The following ACTN4 variants were observed in gnomAD, a reference collection of about 807,000 sequenced individuals.
ACTN4 encodes the protein alpha-actinin-4.
In ACTN4, 18 loss-of-function variants were observed where a neutral mutation model predicts 114.2. The ratio of observed to expected loss-of-function variants is 0.16; its 90% confidence interval spans 0.11 to 0.23. The LOEUF is 0.23. Ranked by LOEUF, ACTN4 falls within the 10% of genes least tolerant of loss-of-function variation. The pLI is 1.00. For missense variants in ACTN4, 722 were observed against 1,262.9 expected (o/e 0.57, Z 6.49); for synonymous variants, 515 against 506.3 (o/e 1.02, Z -0.23).
chr19:38,699,447 C>G (rs1229301021), intron 1 of ACTN4, among the ~76,000 whole-genome samples: 2 of 152,198 alleles, frequency 1.3e-5, no homozygotes, highest in Admixed American at 1.3e-4. Context: ...CTAAGCTGCA[C>G]TGAGTCTTAA....
At chr19:38,661,974 G>A (rs987220177) in intron 1 of ACTN4, among the ~76,000 whole-genome samples, 1 of 152,146 alleles carries the variant, frequency 6.6e-6, no homozygotes, top group African/African-American at 2.4e-5. Flanking sequence ...TTTTAAACTG[G>A]CTTTTCTCCT....
chr19:38,726,643 T>G (rs905133947), intron 17 of ACTN4, among the ~76,000 whole-genome samples: 13 of 152,354 alleles, frequency 8.5e-5, no homozygotes, highest in African/African-American at 3.1e-4. Flanking sequence ...TTGGCTTTTT[T>G]GTTTTTTTCC....
intron 1 of ACTN4, among the ~76,000 whole-genome samples, chr19:38,661,364 G>A (rs12462503): frequency 5.3e-5 from 8 of 152,048 alleles, no homozygotes; most frequent in African/African-American, 1.2e-4. Flanking sequence ...CAGTCGGCAC[G>A]TGTATTTGAT....
chr19:38,689,056 A>T (rs77732428), intron 1 of ACTN4, among the ~76,000 whole-genome samples: 1 of 152,234 alleles, frequency 6.6e-6, no homozygotes, highest in Non-Finnish European at 1.5e-5. Flanking sequence ...AAGAGGTATC[A>T]TATGACTCAG....
intron 1 of ACTN4, 102 bp downstream of exon 1, chr19:38,648,009 C>T: frequency 2.3e-6 from 3 of 1,286,214 alleles, no homozygotes; most frequent in Non-Finnish European, 3.0e-6. Flanking sequence ...GTGATGGGAA[C>T]GGGGGGGTCC....
At chr19:38,728,441 C>T in intron 19 of ACTN4, 2 of 1,095,046 alleles carry the variant, frequency 1.8e-6, no homozygotes, top group South Asian at 2.8e-5. Context: ...CCTCCTCCTC[C>T]TCCTCCTCCC....
intron 13 of ACTN4, 92 bp downstream of exon 13, chr19:38,723,814 C>A: frequency 4.1e-6 from 6 of 1,458,196 alleles, no homozygotes; most frequent in South Asian, 1.2e-5. Flanking sequence ...TGAGCTCCCC[C>A]CACCTCCCAC....
intron 11 of ACTN4, among the ~76,000 whole-genome samples, chr19:38,719,418 G>T (rs1214863114): frequency 6.6e-6 from 1 of 152,222 alleles, no homozygotes; most frequent in East Asian, 1.9e-4. Flanking sequence ...CCCAGCTTGT[G>T]CCCTCCTCAC....
intron 1 of ACTN4, among the ~76,000 whole-genome samples, chr19:38,675,841 C>T (rs1427673700): frequency 6.6e-6 from 1 of 152,148 alleles, no homozygotes; most frequent in African/African-American, 2.4e-5. Flanking sequence ...CCAGGCCAAG[C>T]AGAGGGCCCC....
rs1385018827 is a variant in ACTN4, at chr19:38,731,434, A to G, written c.*2002A>G. Reference sequence around the variant, plus strand: ...AACGGACTAAGACAGCCCCGACCCCATAGGGTGTGTGAAGACAGAACGCTC... The same window carrying G: ...AACGGACTAAGACAGCCCCGACCCCGTAGGGTGTGTGAAGACAGAACGCTC... On this transcript the variant is annotated 3_prime_UTR_variant, in exon 21 of 21. Transcript: ENST00000252699. The G allele has an allele frequency of 1.7e-6, 1 of 595,252 alleles. No homozygotes were observed. Among genetic ancestry groups the G allele is most frequent in the Non-Finnish European group, 3.0e-6 (1 of 330,020 alleles). 36.9% of individuals were successfully genotyped at this position (595,252 alleles called of 1,614,324 possible). A position where few individuals can be genotyped will look rare whatever the true frequency, so the allele number is the denominator to read the frequency against.
intron 2 of ACTN4, 132 bp downstream of exon 2, chr19:38,700,846 G>A (rs1251180520): frequency 9.5e-6 from 13 of 1,367,850 alleles, no homozygotes; most frequent in South Asian, 1.2e-5. Flanking sequence ...ATAGCTGCAC[G>A]GTGGTCTGAT....
Position 38,729,004 on chromosome 19 carries a change from C to A in ACTN4, c.2427C>A (p.Ala809=). ...YDVENDRQGE[A]EFNRIMSLVD... is the part of the protein sequence containing the mutation. ...CCACCCTCTCCTTGCAGGGTGAGGC[C>A]GAGTTCAACCGCATCATGAGCCTGG... Residue 809 remains alanine (A), a synonymous_variant, in exon 20 of 21, where the codon GCC becomes GCA. Coordinates refer to ENST00000252699, the MANE Select transcript of ACTN4 (RefSeq NM_004924.6). 2 of 1,613,104 alleles carry A rather than the reference C, an allele frequency of 1.2e-6. No individual in the cohort carries two copies. Among genetic ancestry groups the A allele is most frequent in the East Asian group, 2.2e-5 (1 of 44,878 alleles).
intron 5 of ACTN4, 22 bp from the exon 6 acceptor site, chr19:38,708,095 A>G: frequency 6.2e-7 from 1 of 1,613,702 alleles, no homozygotes; most frequent in South Asian, 1.1e-5. Context: ...CCCTCCTATA[A>G]CCTTTGCCTT....
intron 2 of ACTN4, 26 bp downstream of exon 2, chr19:38,700,740 G>T: frequency 6.3e-7 from 1 of 1,592,498 alleles, no homozygotes; most frequent in Non-Finnish European, 8.6e-7. Context: ...ACGCAGTGCG[G>T]CCGAGCCCTG....
intron 1 of ACTN4, among the ~76,000 whole-genome samples, chr19:38,691,850 C>A (rs201685361): frequency 6.6e-6 from 1 of 152,114 alleles, no homozygotes; most frequent in East Asian, 1.9e-4. Flanking sequence ...CTGCAGTGAG[C>A]CGAGATCATG....
intron 1 of ACTN4, among the ~76,000 whole-genome samples, chr19:38,683,574 A>G (rs987069988): frequency 2.0e-5 from 3 of 152,158 alleles, no homozygotes; most frequent in Admixed American, 6.5e-5. Flanking sequence ...AAGACACACA[A>G]TGGCAGTTGG....
intron 1 of ACTN4, among the ~76,000 whole-genome samples, chr19:38,664,281 T>A (rs1966890855): frequency 6.6e-6 from 1 of 152,056 alleles, no homozygotes; most frequent in Admixed American, 6.6e-5. Context: ...ACTCCAGTGT[T>A]GTGTTTTTTT....
At chr19:38,691,572 G>C (rs574347551) in intron 1 of ACTN4, among the ~76,000 whole-genome samples, 6 of 152,060 alleles carry the variant, frequency 3.9e-5, no homozygotes, top group African/African-American at 7.2e-5. Flanking sequence ...GAAAGTCTTA[G>C]ACCAGTATTT....
chr19:38,661,160 G>A (rs771327471), intron 1 of ACTN4, among the ~76,000 whole-genome samples: 3 of 152,134 alleles, frequency 2.0e-5, no homozygotes, highest in Non-Finnish European at 4.4e-5. Flanking sequence ...TTCAACTTGC[G>A]CCTGCAAACT....
Sources: allele counts gnomAD v4.1 joint callset (sites outside exome capture counted in the v4.1 genomes callset), GRCh38; gene constraint gnomAD v4.1.1; transcripts MANE v1.5; gene names NCBI Gene and HGNC (gene_info 2026-07-23, HGNC 2026-07-21).